Variants in ADAMTSL1 observed in about 807,000 individuals in gnomAD.
ADAMTSL1 encodes the protein ADAMTS like 1.
Under a neutral mutation model 201.8 loss-of-function variants are expected in ADAMTSL1, and 126 were observed. That is an observed-to-expected ratio of 0.62 (90% confidence interval 0.54 to 0.72). The LOEUF is 0.72. Among genes scored for constraint, ADAMTSL1 ranks in the 30% least tolerant of loss-of-function variants. ADAMTSL1 has a pLI of 0.00. For synonymous variants in ADAMTSL1, 1,121 were observed against 903.4 expected, an observed-to-expected ratio of 1.24 and a Z score of -4.32; for missense variants, 2,679 against 2,277.8, an observed-to-expected ratio of 1.18 and a Z score of -3.59.
chr9:18,769,079 C>G (rs1364033937), intron 16 of ADAMTSL1, among the ~76,000 whole-genome samples: 1 of 152,148 alleles, frequency 6.6e-6, no homozygotes, highest in Admixed American at 6.5e-5. Context: ...CCCCAGGAGA[C>G]CTTGAGGTGC....
chr9:18,240,603 C>G (rs1388730020), intron 2 of ADAMTSL1, among the ~76,000 whole-genome samples: 2 of 152,186 alleles, frequency 1.3e-5, no homozygotes, highest in Non-Finnish European at 2.9e-5. Context: ...CTTCTCCTAT[C>G]TGCTACTGAA....
At chr9:18,238,798 T>A (rs1461807271) in intron 2 of ADAMTSL1, among the ~76,000 whole-genome samples, 1 of 152,234 alleles carries the variant, frequency 6.6e-6, no homozygotes, top group East Asian at 1.9e-4. Flanking sequence ...CTAGTTAATA[T>A]AGCCACCACC....
At chr9:18,618,755 C>T (rs1001248014) in intron 4 of ADAMTSL1, among the ~76,000 whole-genome samples, 6 of 152,132 alleles carry the variant, frequency 3.9e-5, no homozygotes, top group Non-Finnish European at 8.8e-5. Context: ...AAAAGGCATT[C>T]CCCAGCCAAG....
chr9:18,221,992 T>C (rs1830278115), intron 2 of ADAMTSL1, among the ~76,000 whole-genome samples: 2 of 152,044 alleles, frequency 1.3e-5, no homozygotes, highest in African/African-American at 4.8e-5. Context: ...CATGTTTAGA[T>C]TTGTATCTTC....
chr9:18,104,850 C>T (rs939560297), intron 1 of ADAMTSL1, among the ~76,000 whole-genome samples: 43 of 152,264 alleles, frequency 2.8e-4, no homozygotes, highest in African/African-American at 9.4e-4. Context: ...CCTAGGCTTT[C>T]TTTATCTTAC....
intron 2 of ADAMTSL1, among the ~76,000 whole-genome samples, chr9:18,224,583 G>A (rs1830377155): frequency 6.6e-6 from 1 of 152,036 alleles, no homozygotes; most frequent in Non-Finnish European, 1.5e-5. Context: ...TCATCTCAAT[G>A]TCCCTGAAAG....
chr9:18,269,270 G>A lies in ADAMTSL1; in HGVS notation c.207+105289G>A, dbSNP rs374972585. Among the ~76,000 whole-genome samples, 61 of 152,180 alleles carry A rather than the reference G, an allele frequency of 4.0e-4. No homozygotes were observed. The South Asian group carries it at 0.012, about 31-fold the overall frequency. On this transcript the variant is annotated intron_variant, in intron 2 of 29. Coordinates refer to the ADAMTSL1 transcript ENST00000680146. ...TACAGTAAACTCTTTGAAGGAAGAG[G>A]TTAATTTACTTTTGAATTGCCCACA...
At chr9:18,742,451 C>G (rs1038282726) in intron 15 of ADAMTSL1, among the ~76,000 whole-genome samples, 8 of 152,194 alleles carry the variant, frequency 5.3e-5, no homozygotes, top group African/African-American at 1.9e-4. Context: ...AGAATTGTGT[C>G]AGATTAAATG....
At chr9:18,150,657 T>C (rs1029626373) in intron 1 of ADAMTSL1, among the ~76,000 whole-genome samples, 7 of 151,784 alleles carry the variant, frequency 4.6e-5, no homozygotes, top group Admixed American at 1.3e-4. Flanking sequence ...TATGAAGAGA[T>C]GAGCATAGAG....
At chr9:18,170,661 A>G (rs955213660) in intron 2 of ADAMTSL1, among the ~76,000 whole-genome samples, 1 of 152,096 alleles carries the variant, frequency 6.6e-6, no homozygotes, top group South Asian at 2.1e-4. Context: ...GGAAAGAGAA[A>G]GAAAAAGCCT....
intron 1 of ADAMTSL1, among the ~76,000 whole-genome samples, chr9:18,100,374 G>A (rs961213134): frequency 6.6e-6 from 1 of 152,034 alleles, no homozygotes; most frequent in Admixed American, 6.6e-5. Context: ...TGGAACTTCC[G>A]GGCTCAAGCA....
chr9:18,225,338 A>G (rs1291587295), intron 2 of ADAMTSL1, among the ~76,000 whole-genome samples: 1 of 152,194 alleles, frequency 6.6e-6, no homozygotes, highest in Non-Finnish European at 1.5e-5. Flanking sequence ...GACATAAAGT[A>G]AAAGTGCACT....
intron 3 of ADAMTSL1, among the ~76,000 whole-genome samples, chr9:18,553,209 T>C (rs1474829235): frequency 7.6e-6 from 1 of 132,434 alleles, no homozygotes; most frequent in Non-Finnish European, 1.7e-5. Context: ...CTAGTCCCAG[T>C]CTTTTTTTTT....
At chr9:18,815,612 G>A (rs1280479648) in intron 20 of ADAMTSL1, among the ~76,000 whole-genome samples, 1 of 150,546 alleles carries the variant, frequency 6.6e-6, no homozygotes, top group East Asian at 2.0e-4. Context: ...GGAGGCTTAG[G>A]TGGAAGGATC....
At chr9:18,357,181 T>C (rs990798675) in intron 2 of ADAMTSL1, among the ~76,000 whole-genome samples, 1 of 152,168 alleles carries the variant, frequency 6.6e-6, no homozygotes. Flanking sequence ...CTAGAGTATA[T>C]GCCCTAATCA....
At chr9:18,237,364 C>G (rs772448801) in intron 2 of ADAMTSL1, among the ~76,000 whole-genome samples, 1 of 152,204 alleles carries the variant, frequency 6.6e-6, no homozygotes, top group Non-Finnish European at 1.5e-5. Flanking sequence ...AATCAATTCA[C>G]TCTGTGTTGG....
chr9:18,429,821 G>A (rs1372616157), intron 2 of ADAMTSL1, among the ~76,000 whole-genome samples: 1 of 151,770 alleles, frequency 6.6e-6, no homozygotes, highest in African/African-American at 2.4e-5. Flanking sequence ...ATGGAGTCTC[G>A]CTCTGTCTCT....
At chr9:18,833,792 G>C (rs928070336) in intron 23 of ADAMTSL1, among the ~76,000 whole-genome samples, 1 of 152,082 alleles carries the variant, frequency 6.6e-6, no homozygotes, top group East Asian at 1.9e-4. Context: ...GCAATGCCGA[G>C]GTTGTCTTCT....
intron 1 of ADAMTSL1, among the ~76,000 whole-genome samples, chr9:17,939,669 CTCAT>C (rs568906030): frequency 1.3e-5 from 2 of 152,030 alleles, no homozygotes; most frequent in African/African-American, 2.4e-5. Context: ...GATGTTCTGC[CTCAT>C]TCATTCATTC....
Sources: allele counts gnomAD v4.1 joint callset (sites outside exome capture counted in the v4.1 genomes callset), GRCh38; gene constraint gnomAD v4.1.1; transcripts MANE v1.5; gene names NCBI Gene and HGNC (gene_info 2026-07-23, HGNC 2026-07-21).